The following KCNIP4 variants were observed in gnomAD, a reference collection of about 807,000 sequenced individuals.
KCNIP4 encodes Kv channel-interacting protein 4.
Under a neutral mutation model 34.0 loss-of-function variants are expected in KCNIP4, and 12 were observed. The observed-to-expected ratio is 0.35, with a 90% CI of 0.23 to 0.57. KCNIP4 has a LOEUF of 0.57. Among genes scored for constraint, KCNIP4 ranks in the 20% least tolerant of loss-of-function variants. KCNIP4 has a pLI of 0.83. For synonymous variants in KCNIP4, 124 were observed against 102.2 expected, an observed-to-expected ratio of 1.21 and a Z score of -1.29; for missense variants, 238 against 311.7, an observed-to-expected ratio of 0.76 and a Z score of 1.78.
intron 2 of KCNIP4, among the ~76,000 whole-genome samples, chr4:20,860,529 T>G (rs562895940): frequency 1.5e-4 from 23 of 152,368 alleles, no homozygotes; most frequent in Admixed American, 1.1e-3. Context: ...TTTAAAATTC[T>G]ATTTGAGCTG....
intron 1 of KCNIP4, among the ~76,000 whole-genome samples, chr4:21,519,446 GTGTATATA>G (rs1735121838): frequency 3.8e-5 from 5 of 130,042 alleles, no homozygotes; most frequent in South Asian, 2.4e-4. Context: ...GTATATGTAT[GTGTATATA>G]CACATATGTG....
intron 1 of KCNIP4, among the ~76,000 whole-genome samples, chr4:21,494,086 A>G (rs1378686994): frequency 6.6e-6 from 1 of 152,190 alleles, no homozygotes; most frequent in Non-Finnish European, 1.5e-5. Flanking sequence ...GTTTAATCAC[A>G]TGGCAACTCA....
At chr4:21,714,856 T>C (rs371844715) in intron 1 of KCNIP4, among the ~76,000 whole-genome samples, 1,064 of 2,118 alleles carry the variant, frequency 0.5, 99 homozygotes, top group African/African-American at 0.53. Context: ...TTTATTTTAT[T>C]TTATTTTATT....
intron 1 of KCNIP4, among the ~76,000 whole-genome samples, chr4:21,757,241 AAGAAAGAAAAG>A (rs1717695828): frequency 2.1e-4 from 5 of 23,370 alleles, no homozygotes; most frequent in Admixed American, 1.1e-3. Context: ...GAAAGAAAGA[AAGAAAGAAAAG>A]AAAAGAAAAG....
chr4:21,343,388 GGAAA>G lies in KCNIP4; in HGVS notation c.62-460683_62-460680del, dbSNP rs199965833. On this transcript the variant is annotated intron_variant, in intron 1 of 8. Transcript: ENST00000382152. The stretch of plus-strand genomic sequence containing the variant: ...TGAGGAGAGATGCCAGAGGAAATTC[GGAAA>G]GAAAGAAATCTATGTACTATGTCAA... Among the ~76,000 whole-genome samples the G allele has an allele frequency of 1.1e-3, 168 of 152,064 alleles. 2 individuals are homozygous for G. The East Asian group carries it at 0.029, about 27-fold the overall frequency.
intron 1 of KCNIP4, among the ~76,000 whole-genome samples, chr4:21,717,715 A>G (rs1461475967): frequency 6.6e-6 from 1 of 152,090 alleles, no homozygotes; most frequent in Non-Finnish European, 1.5e-5. Context: ...AGCCTATGTG[A>G]CCTAATTCTT....
chr4:20,733,615 A>T (rs1481565295), intron 6 of KCNIP4, among the ~76,000 whole-genome samples: 2 of 152,224 alleles, frequency 1.3e-5, no homozygotes, highest in Non-Finnish European at 2.9e-5. Context: ...CACAGGCAGA[A>T]TTCTTGAGAT....
intron 1 of KCNIP4, among the ~76,000 whole-genome samples, chr4:21,239,158 A>G (rs1192270591): frequency 6.6e-6 from 1 of 151,784 alleles, no homozygotes; most frequent in Non-Finnish European, 1.5e-5. Context: ...GTGCTGGGAA[A>G]ACTGGCTAGC....
chr4:21,336,508 A>C (rs796093194), intron 1 of KCNIP4, among the ~76,000 whole-genome samples: 11 of 152,240 alleles, frequency 7.2e-5, no homozygotes, highest in African/African-American at 2.6e-4. Flanking sequence ...CATCTCCCCA[A>C]AACTCAGTAC....
rs1748381616 is a variant in KCNIP4 at position 20,731,969 on chromosome 4, TA to T, written c.705+36del. On this transcript the variant is annotated intron_variant, in intron 8 of 8. Transcript: ENST00000382152. ...CTAATACTCAGTTTAGCTGTTATGA[TA>T]GCTGAATTGATAGTTATTACACTTT... The T allele has an allele frequency of 3.1e-6, 5 of 1,611,390 alleles. No homozygotes were observed. The African/African-American group carries it at 6.7e-5, about 21-fold the overall frequency.
intron 1 of KCNIP4, among the ~76,000 whole-genome samples, chr4:20,918,500 C>T (rs894120566): frequency 1.3e-5 from 2 of 151,922 alleles, no homozygotes; most frequent in African/African-American, 4.8e-5. Flanking sequence ...CATTTTATTT[C>T]CTCTGAGAAG....
chr4:20,849,544 G>A (rs1182337679), intron 3 of KCNIP4, among the ~76,000 whole-genome samples: 1 of 152,134 alleles, frequency 6.6e-6, no homozygotes, highest in Non-Finnish European at 1.5e-5. Context: ...CAGCAGTTGT[G>A]GTGGTCAGAT....
At chr4:21,451,045 G>T (rs1219344567) in intron 1 of KCNIP4, among the ~76,000 whole-genome samples, 1 of 152,100 alleles carries the variant, frequency 6.6e-6, no homozygotes. Flanking sequence ...AATAGTGAAT[G>T]TGCAATAGGA....
chr4:21,198,213 G>A (rs1756198259), intron 1 of KCNIP4, among the ~76,000 whole-genome samples: 2 of 152,294 alleles, frequency 1.3e-5, no homozygotes, highest in South Asian at 2.1e-4. Context: ...AGGAGGACAT[G>A]TTTTCTAAAC....
At position 21,915,697 on chromosome 4, in the gene KCNIP4, C is replaced by A. The variant is rs182773246; in HGVS notation, c.61+32874G>T. 2.2e-4 allele frequency among the ~76,000 whole-genome samples: 33 copies of A among 152,348 alleles called. No individual in the cohort carries two copies. In the East Asian group the frequency reaches 6.0e-3, roughly 28 times the overall value. Reference sequence around the variant, plus strand: ...TACCTATTACATAGTATGTGCCAGGCAGGCATTGTGAAATGTGCTGGAGAT... The same window carrying A: ...TACCTATTACATAGTATGTGCCAGGAAGGCATTGTGAAATGTGCTGGAGAT... On this transcript the variant is annotated intron_variant, in intron 1 of 8. Coordinates refer to ENST00000382152, the MANE Select transcript of KCNIP4 (RefSeq NM_025221.6).
chr4:20,924,328 C>A (rs1729692240), intron 1 of KCNIP4, among the ~76,000 whole-genome samples: 1 of 152,098 alleles, frequency 6.6e-6, no homozygotes, highest in South Asian at 2.1e-4. Context: ...GAATGGAAAT[C>A]CTCTCAATGG....
intron 1 of KCNIP4, among the ~76,000 whole-genome samples, chr4:21,281,204 A>G (rs2109168384): frequency 6.7e-6 from 1 of 149,882 alleles, no homozygotes; most frequent in East Asian, 2.0e-4. Context: ...CTCCTTCCTC[A>G]GCCTCCCAAG....
In KCNIP4 at chr4:20,882,724, A is replaced by T; in HGVS notation, c.62-15T>A. On this transcript the variant is annotated splice_polypyrimidine_tract_variant and intron_variant, in intron 1 of 8. Transcript: ENST00000382152. ...GTACAGGAAACCTAGAAGATACAGG[A>T]TCAGTTCTGTTAATGCTGTCTGCAG... 1 of 1,600,220 alleles carries T rather than the reference A, an allele frequency of 6.2e-7. No homozygotes were observed. The highest frequency in any genetic ancestry group is 1.7e-5 in the Admixed American group (1 of 59,908).
At chr4:20,777,009 A>G (rs1448875742) in intron 3 of KCNIP4, among the ~76,000 whole-genome samples, 1 of 152,154 alleles carries the variant, frequency 6.6e-6, no homozygotes, top group East Asian at 1.9e-4. Context: ...ATATGTTGAA[A>G]CCTAATCTCC....
Sources: allele counts gnomAD v4.1 joint callset (sites outside exome capture counted in the v4.1 genomes callset), GRCh38; gene constraint gnomAD v4.1.1; transcripts MANE v1.5; gene names NCBI Gene and HGNC (gene_info 2026-07-23, HGNC 2026-07-21).